CTNND2: variants seen among roughly 807,000 people sequenced by gnomAD.
CTNND2 encodes the protein catenin delta-2.
In CTNND2, 22 loss-of-function variants were observed where a neutral mutation model predicts 144.4. The observed-to-expected ratio is 0.15, with a 90% CI of 0.11 to 0.22. CTNND2 has a LOEUF of 0.22. CTNND2 is among the 10% of genes least tolerant of loss of function. The probability of loss-of-function intolerance (pLI) is 1.00; values close to 1 mark genes in which losing one functional copy is unlikely to be tolerated. For missense variants in CTNND2, 1,353 were observed against 1,618.8 expected (o/e 0.84, Z 2.82); for synonymous variants, 751 against 695.6 (o/e 1.08, Z -1.25).
intron 3 of CTNND2, among the ~76,000 whole-genome samples, chr5:11,562,055 A>G (rs1052643043): frequency 2.0e-5 from 3 of 152,126 alleles, no homozygotes; most frequent in East Asian, 3.9e-4. Context: ...TCTCAAAAAA[A>G]AAAGAGAGAG....
chr5:11,420,632 G>C (rs1304979830), intron 3 of CTNND2, among the ~76,000 whole-genome samples: 1 of 152,136 alleles, frequency 6.6e-6, no homozygotes, highest in Non-Finnish European at 1.5e-5. Flanking sequence ...CACTGGTTTG[G>C]GTTGCCGAAT....
At position 11,620,960 on chromosome 5, in the gene CTNND2, G is replaced by C. The variant is rs72734931; in HGVS notation, c.175-55904C>G. On this transcript the variant is annotated intron_variant, in intron 2 of 21. Coordinates refer to ENST00000304623, the MANE Select transcript of CTNND2 (RefSeq NM_001332.4). ...ACACATGACTTATTAGCCAAAATGT[G>C]GTCTGCTTGACCCTGTCTGTCTCAT... 8.3e-3 allele frequency among the ~76,000 whole-genome samples: 1,265 copies of C among 152,204 alleles called. 13 individuals carry two copies. The highest frequency in any genetic ancestry group is 0.014 in the Non-Finnish European group (978 of 68,016).
At chr5:11,892,494 C>T (rs748472970) in intron 1 of CTNND2, among the ~76,000 whole-genome samples, 1 of 152,086 alleles carries the variant, frequency 6.6e-6, no homozygotes, top group Non-Finnish European at 1.5e-5. Context: ...GTCCTGGGTA[C>T]ACATATTGAA....
intron 2 of CTNND2, among the ~76,000 whole-genome samples, chr5:11,698,534 G>C (rs1252746671): frequency 3.9e-5 from 6 of 151,974 alleles, no homozygotes; most frequent in Admixed American, 3.9e-4. Flanking sequence ...TGATCCCCCT[G>C]CCTCAGCCTC....
intron 11 of CTNND2, among the ~76,000 whole-genome samples, chr5:11,185,315 G>A (rs1457297298): frequency 6.6e-6 from 1 of 152,136 alleles, no homozygotes; most frequent in Non-Finnish European, 1.5e-5. Context: ...GACTGCTCCT[G>A]GAGAACAGAG....
intron 1 of CTNND2, among the ~76,000 whole-genome samples, chr5:11,870,131 C>A (rs113761984): frequency 2.0e-5 from 3 of 152,128 alleles, no homozygotes; most frequent in African/African-American, 7.2e-5. Context: ...TATAGCACTG[C>A]GATAGGGGTT....
chr5:11,605,373 A>G (rs1159842922), intron 2 of CTNND2, among the ~76,000 whole-genome samples: 1 of 152,264 alleles, frequency 6.6e-6, no homozygotes, highest in Non-Finnish European at 1.5e-5. Flanking sequence ...AGACAAATTT[A>G]TCATACACAC....
At chr5:11,263,316 G>A (rs970764697) in intron 9 of CTNND2, among the ~76,000 whole-genome samples, 5 of 152,102 alleles carry the variant, frequency 3.3e-5, no homozygotes, top group Non-Finnish European at 7.4e-5. Flanking sequence ...TAATTTAAGT[G>A]TATTTTAAAT....
rs61749809 is a variant in CTNND2, at chr5:11,394,696, T to C, written c.612+2335A>G. Among the ~76,000 whole-genome samples, 427 of 152,314 alleles carry C rather than the reference T, an allele frequency of 2.8e-3. 14 individuals carry two copies. In the East Asian group the frequency reaches 0.054, roughly 19 times the overall value. On this transcript the variant is annotated intron_variant, in intron 6 of 21. Transcript: ENST00000304623. ...ACAGTTTGAGTTTTGGGCTGATAAG[T>C]TGGGGCAATGTGGGTTACACACATA...
chr5:11,442,606 C>T (rs919924284), intron 3 of CTNND2, among the ~76,000 whole-genome samples: 3 of 151,718 alleles, frequency 2.0e-5, no homozygotes, highest in Admixed American at 6.6e-5. Context: ...TGAAGGCTTT[C>T]GCAGTGCTCC....
chr5:11,346,374 G>A lies in CTNND2; in HGVS notation c.1626C>T (p.Pro542=), dbSNP rs1754776333. The change falls in exon 9 of 22, where the codon CCC becomes CCT. Residue 542 remains proline, a splice_region_variant and synonymous_variant. Transcript: ENST00000304623. The part of the protein sequence containing the change: ...SPSIDSIQKD[P]REFGWRDPEL... ...GAAAGAAAAAGGTTTTTACCCACCT[G>A]GGATCTTTCTGAATGCTATCAATGG... 6.9e-7 allele frequency: 1 copy of A among 1,441,948 alleles called. No individual in the cohort carries two copies. The highest frequency in any genetic ancestry group is 9.2e-7 in the Non-Finnish European group (1 of 1,091,898). The allele number at this position is 1,441,948 out of a possible 1,614,324, so 89.3% of individuals were successfully genotyped here.
At position 11,313,033 on chromosome 5, in the gene CTNND2, C is replaced by G. The variant is rs148954015; in HGVS notation, c.1628+33339G>C. 5.7e-3 allele frequency among the ~76,000 whole-genome samples: 864 copies of G among 152,300 alleles called. 5 individuals are homozygous for G. The highest frequency in any genetic ancestry group is 0.019 in the African/African-American group (787 of 41,554). On this transcript the variant is annotated intron_variant, in intron 9 of 21. Transcript: ENST00000304623. ...AGCAGGTCAGAATCTGAACATTACT[C>G]CTCTTTGGTGCAGAAAGGTGACTTT...
At chr5:10,985,370 A>G (rs1311392842) in intron 20 of CTNND2, among the ~76,000 whole-genome samples, 2 of 152,208 alleles carry the variant, frequency 1.3e-5, no homozygotes, top group Non-Finnish European at 2.9e-5. Context: ...AGGGCTCTCC[A>G]GTGGCAGAGA....
chr5:11,213,127 C>T (rs1047917510), intron 10 of CTNND2, among the ~76,000 whole-genome samples: 1 of 152,160 alleles, frequency 6.6e-6, no homozygotes, highest in African/African-American at 2.4e-5. Flanking sequence ...CATCTCTCAA[C>T]CATTTTTGTT....
intron 7 of CTNND2, among the ~76,000 whole-genome samples, chr5:11,366,824 G>T (rs1467430299): frequency 1.3e-5 from 2 of 152,144 alleles, no homozygotes; most frequent in East Asian, 3.8e-4. Context: ...GAGAGGATCT[G>T]CTGAACTTTT....
At chr5:11,117,894 G>T (rs1225483310) in intron 12 of CTNND2, among the ~76,000 whole-genome samples, 2 of 152,312 alleles carry the variant, frequency 1.3e-5, no homozygotes, top group South Asian at 4.2e-4. Flanking sequence ...GAAGCTTTTT[G>T]ATTCAAAGGA....
At chr5:11,044,736 G>T (rs1401138726) in intron 16 of CTNND2, among the ~76,000 whole-genome samples, 1 of 152,144 alleles carries the variant, frequency 6.6e-6, no homozygotes, top group African/African-American at 2.4e-5. Flanking sequence ...GGAGCAGAGT[G>T]GTGGACAGGG....
chr5:11,571,982 C>T (rs1777595120), intron 2 of CTNND2, among the ~76,000 whole-genome samples: 1 of 152,080 alleles, frequency 6.6e-6, no homozygotes. Context: ...TCTTTATTTA[C>T]CCACTCTCTA....
intron 12 of CTNND2, among the ~76,000 whole-genome samples, chr5:11,122,373 C>T (rs904916514): frequency 1.3e-5 from 2 of 152,078 alleles, no homozygotes; most frequent in Non-Finnish European, 2.9e-5. Context: ...AGATATTTCC[C>T]AGTTTCTCAC....
Sources: gnomAD v4.1 joint callset for allele counts (sites outside exome capture counted in the v4.1 genomes callset) on GRCh38, gnomAD v4.1.1 for gene constraint, MANE v1.5 for transcripts, NCBI Gene and HGNC (gene_info 2026-07-23, HGNC 2026-07-21) for gene names.